The following TP53BP2 variants were observed in gnomAD, a reference collection of about 807,000 sequenced individuals.
TP53BP2 encodes the protein tumor protein p53 binding protein 2.
TP53BP2 carries 62 observed loss-of-function variants against 126.2 expected under a neutral mutation model. The ratio of observed to expected loss-of-function variants is 0.49; its 90% confidence interval spans 0.40 to 0.61. The LOEUF (loss-of-function observed/expected upper bound fraction) is 0.61. Ranked by LOEUF, TP53BP2 falls within the 20% of genes least tolerant of loss-of-function variation. The pLI is 0.00. For missense variants in TP53BP2, 1,215 were observed against 1,402.8 expected (o/e 0.87, Z 2.14); for synonymous variants, 485 against 502.9 (o/e 0.96, Z 0.48).
intron 3 of TP53BP2, among the ~76,000 whole-genome samples, chr1:223,811,970 G>C (rs941648849): frequency 2.0e-5 from 3 of 151,500 alleles, no homozygotes; most frequent in African/African-American, 4.9e-5. Context: ...TATTTGAACA[G>C]GTAGATGAAT....
At chr1:223,827,343 T>C (rs1001583880) in intron 1 of TP53BP2, among the ~76,000 whole-genome samples, 1 of 151,104 alleles carries the variant, frequency 6.6e-6, no homozygotes, top group Non-Finnish European at 1.5e-5. Context: ...TCCAGAAGAG[T>C]GCGGGACACC....
chr1:223,823,595 T>TA (rs1181390425), intron 1 of TP53BP2, among the ~76,000 whole-genome samples: 1 of 152,198 alleles, frequency 6.6e-6, no homozygotes. Flanking sequence ...TTTGACTACA[T>TA]AAAGGTACAC....
chr1:223,839,110 A>G (rs1361858860), intron 1 of TP53BP2, among the ~76,000 whole-genome samples: 1 of 152,006 alleles, frequency 6.6e-6, no homozygotes, highest in Non-Finnish European at 1.5e-5. Flanking sequence ...CCAAAAGAAC[A>G]TCATTACCAT....
intron 1 of TP53BP2, among the ~76,000 whole-genome samples, chr1:223,842,163 C>T (rs1207070860): frequency 1.3e-5 from 2 of 152,170 alleles, no homozygotes; most frequent in East Asian, 3.8e-4. Context: ...TGGTCTCAAA[C>T]TCCTGACCTC....
At chr1:223,802,021 T>C in intron 9 of TP53BP2, 95 bp downstream of exon 9, 3 of 1,223,570 alleles carry the variant, frequency 2.5e-6, no homozygotes. Context: ...AATTCAAACA[T>C]GAATAATGAA....
chr1:223,838,699 G>A (rs547017046), intron 1 of TP53BP2, among the ~76,000 whole-genome samples: 16 of 152,288 alleles, frequency 1.1e-4, no homozygotes, highest in South Asian at 4.1e-4. Flanking sequence ...GGTAAGAACC[G>A]CAATTACTTT....
At chr1:223,797,693 G>T (rs1024483562) in intron 12 of TP53BP2, among the ~76,000 whole-genome samples, 1 of 152,048 alleles carries the variant, frequency 6.6e-6, no homozygotes, top group African/African-American at 2.4e-5. Context: ...TTACAGGCGT[G>T]AGCCACTGCG....
At chr1:223,799,102 T>C (rs1662443222) in intron 11 of TP53BP2, among the ~76,000 whole-genome samples, 1 of 152,156 alleles carries the variant, frequency 6.6e-6, no homozygotes, top group African/African-American at 2.4e-5. Context: ...CTCATATTTT[T>C]TAATTGTTAA....
chr1:223,832,926 C>T (rs1302322645), intron 1 of TP53BP2, among the ~76,000 whole-genome samples: 1 of 152,180 alleles, frequency 6.6e-6, no homozygotes, highest in Non-Finnish European at 1.5e-5. Flanking sequence ...TCTGAGTAGG[C>T]AACCCACAGG....
At chr1:223,780,970 G>C in intron 17 of TP53BP2, 76 bp from the exon 18 acceptor site, 1 of 1,371,778 alleles carries the variant, frequency 7.3e-7, no homozygotes, top group Non-Finnish European at 1.0e-6. Context: ...GAAATAATGA[G>C]GTTAGGGGAC....
intron 2 of TP53BP2, among the ~76,000 whole-genome samples, chr1:223,816,229 CCT>C (rs1663081467): frequency 1.3e-5 from 2 of 152,222 alleles, no homozygotes; most frequent in African/African-American, 4.8e-5. Flanking sequence ...TCTCTGTATC[CCT>C]CTCAATCAAG....
intron 14 of TP53BP2, 23 bp downstream of exon 14, chr1:223,793,280 A>C: frequency 6.6e-7 from 1 of 1,525,058 alleles, no homozygotes; most frequent in Non-Finnish European, 8.8e-7. Flanking sequence ...TCAAAAAAAA[A>C]AATTTACTAA....
At chr1:223,815,236 G>A (rs2102866829) in intron 2 of TP53BP2, among the ~76,000 whole-genome samples, 1 of 152,300 alleles carries the variant, frequency 6.6e-6, no homozygotes, top group Admixed American at 6.5e-5. Context: ...GAACAGAGCA[G>A]GCAAGCATTC....
At chr1:223,789,273 C>A in intron 15 of TP53BP2, 99 bp from the exon 16 acceptor site, 3 of 1,394,482 alleles carry the variant, frequency 2.2e-6, no homozygotes, top group African/African-American at 1.4e-5. Flanking sequence ...TCTCATCTAC[C>A]AAGTTTTCTT....
At chr1:223,791,963 C>A (rs1571840958) in intron 15 of TP53BP2, among the ~76,000 whole-genome samples, 1 of 152,086 alleles carries the variant, frequency 6.6e-6, no homozygotes, top group South Asian at 2.1e-4. Context: ...AAAATGGATT[C>A]CATGGTCAAA....
Position 223,784,206 on chromosome 1 carries a change from G to C in TP53BP2, c.3272C>G (p.Thr1091Arg). ...ATCTTCGTCTTCCCTGTGGATGATT[G>C]TCATGCAGTCTCCTTCTTTCATGGG... ...ELPMKEGDCM[T>R]IIHREDEDEI... The change falls in exon 17 of 18, where the codon ACA becomes AGA. Residue 1091 changes from threonine (T) to arginine (R), a missense_variant. Thr to Arg is a moderately conservative substitution (Grantham distance 71). Coordinates refer to ENST00000343537, the MANE Select transcript of TP53BP2 (RefSeq NM_001031685.3). The C allele has an allele frequency of 6.2e-7, 1 of 1,614,100 alleles. No homozygotes were observed. The highest frequency in any genetic ancestry group is 8.5e-7 in the Non-Finnish European group (1 of 1,180,014).
At chr1:223,840,983 T>C (rs564636597) in intron 1 of TP53BP2, among the ~76,000 whole-genome samples, 2 of 152,326 alleles carry the variant, frequency 1.3e-5, no homozygotes, top group East Asian at 3.9e-4. Context: ...CTGGGTGCGG[T>C]GGCTCATGCC....
chr1:223,817,573 T>A (rs575625687), intron 2 of TP53BP2, among the ~76,000 whole-genome samples: 1 of 152,188 alleles, frequency 6.6e-6, no homozygotes. Flanking sequence ...TTTATTTAAA[T>A]ATTTGTAAAT....
chr1:223,808,124 C>T (rs565122506), intron 4 of TP53BP2, among the ~76,000 whole-genome samples: 1 of 152,330 alleles, frequency 6.6e-6, no homozygotes, highest in East Asian at 1.9e-4. Flanking sequence ...GCCCCACATA[C>T]ATGAGGCAAC....
Sources: gnomAD v4.1 joint callset for allele counts (sites outside exome capture counted in the v4.1 genomes callset) on GRCh38, gnomAD v4.1.1 for gene constraint, MANE v1.5 for transcripts, NCBI Gene and HGNC (gene_info 2026-07-23, HGNC 2026-07-21) for gene names.